CSMD1: variants seen among roughly 807,000 people sequenced by gnomAD.
CSMD1 encodes the protein CUB and sushi domain-containing protein 1.
CSMD1 carries 213 observed loss-of-function variants against 417.5 expected under a neutral mutation model. The observed-to-expected ratio is 0.51, with a 90% CI of 0.46 to 0.57. The LOEUF is 0.57. CSMD1 is among the 20% of genes least tolerant of loss of function. The probability of loss-of-function intolerance (pLI) is 0.00; values close to 1 mark genes in which losing one functional copy is unlikely to be tolerated. For missense variants in CSMD1, 6,923 were observed against 4,529.7 expected, an observed-to-expected ratio of 1.53 and a Z score of -15.17; for synonymous variants, 2,862 against 1,736.8, an observed-to-expected ratio of 1.65 and a Z score of -16.11.
At chr8:4,682,966 A>G (rs1273761811) in intron 1 of CSMD1, among the ~76,000 whole-genome samples, 20 of 37,166 alleles carry the variant, frequency 5.4e-4, no homozygotes, top group South Asian at 3.7e-3. Context: ...ATATATATAT[A>G]TATATATATA....
intron 3 of CSMD1, among the ~76,000 whole-genome samples, chr8:4,260,025 C>CT (rs5889029): frequency 1.5e-3 from 229 of 150,756 alleles, no homozygotes; most frequent in African/African-American, 5.2e-3. Context: ...CTTGTGCACA[C>CT]TTTTTTTTTT....
intron 3 of CSMD1, among the ~76,000 whole-genome samples, chr8:4,067,853 C>G (rs775271645): frequency 6.6e-6 from 1 of 151,984 alleles, no homozygotes; most frequent in Non-Finnish European, 1.5e-5. Context: ...CCGAGGTGGG[C>G]GGATCATGAG....
At chr8:4,564,571 G>A (rs1456831357) in intron 2 of CSMD1, among the ~76,000 whole-genome samples, 1 of 152,152 alleles carries the variant, frequency 6.6e-6, no homozygotes. Flanking sequence ...CATAAATACT[G>A]ATAATCAATA....
At chr8:4,741,586 T>C (rs971471009) in intron 1 of CSMD1, among the ~76,000 whole-genome samples, 2 of 152,222 alleles carry the variant, frequency 1.3e-5, no homozygotes, top group Non-Finnish European at 2.9e-5. Flanking sequence ...AACATGTGTC[T>C]CGAGGCTTGG....
At chr8:4,798,800 G>A (rs925795097) in intron 1 of CSMD1, among the ~76,000 whole-genome samples, 11 of 152,100 alleles carry the variant, frequency 7.2e-5, no homozygotes, top group African/African-American at 1.9e-4. Context: ...GTAGAAACTG[G>A]GAGAAGAAAA....
At chr8:3,519,192 A>G (rs1563115413) in intron 10 of CSMD1, among the ~76,000 whole-genome samples, 2 of 152,196 alleles carry the variant, frequency 1.3e-5, no homozygotes, top group African/African-American at 4.8e-5. Context: ...CACGTGATTA[A>G]TTATCACTGA....
chr8:4,069,773 C>G (rs2552117), intron 3 of CSMD1, among the ~76,000 whole-genome samples: 1 of 151,976 alleles, frequency 6.6e-6, no homozygotes, highest in Non-Finnish European at 1.5e-5. Context: ...ATCTTCCAAA[C>G]TCCTGTTTTG....
At chr8:4,022,775 T>C (rs778826104) in intron 4 of CSMD1, among the ~76,000 whole-genome samples, 133 of 152,264 alleles carry the variant, frequency 8.7e-4, no homozygotes, top group Non-Finnish European at 1.4e-3. Flanking sequence ...GAGAAAACAA[T>C]TGTATTCCAC....
At chr8:4,258,212 T>C (rs1012860667) in intron 3 of CSMD1, among the ~76,000 whole-genome samples, 1 of 148,648 alleles carries the variant, frequency 6.7e-6, no homozygotes, top group East Asian at 2.0e-4. Flanking sequence ...TCCAAAGTTC[T>C]GAGATTAAAG....
At chr8:4,473,478 G>T (rs764308864) in intron 2 of CSMD1, among the ~76,000 whole-genome samples, 1 of 152,156 alleles carries the variant, frequency 6.6e-6, no homozygotes, top group African/African-American at 2.4e-5. Context: ...AATACCCAGT[G>T]TCTGCAAATC....
chr8:4,256,472 G>C (rs1228674586), intron 3 of CSMD1, among the ~76,000 whole-genome samples: 2 of 152,158 alleles, frequency 1.3e-5, no homozygotes, highest in African/African-American at 2.4e-5. Flanking sequence ...AATTAACCGA[G>C]TACTGGTAAA....
At chr8:3,784,079 T>G (rs2129064266) in intron 5 of CSMD1, among the ~76,000 whole-genome samples, 1 of 152,362 alleles carries the variant, frequency 6.6e-6, no homozygotes, top group South Asian at 2.1e-4. Flanking sequence ...TCATTTAAAA[T>G]GCTTCGGAAA....
intron 2 of CSMD1, among the ~76,000 whole-genome samples, chr8:4,474,032 A>C (rs1800671151): frequency 6.6e-6 from 1 of 152,172 alleles, no homozygotes; most frequent in Non-Finnish European, 1.5e-5. Context: ...AATAAGAGAT[A>C]CTATCAAAGA....
At chr8:3,398,390 G>A (rs1811828594) in intron 16 of CSMD1, among the ~76,000 whole-genome samples, 4 of 151,350 alleles carry the variant, frequency 2.6e-5, no homozygotes, top group Admixed American at 2.6e-4. Flanking sequence ...GTGCTATTGG[G>A]GATTATTATT....
intron 7 of CSMD1, among the ~76,000 whole-genome samples, chr8:3,653,118 T>G (rs1176819739): frequency 6.6e-6 from 1 of 152,128 alleles, no homozygotes; most frequent in Non-Finnish European, 1.5e-5. Context: ...ATATGCTTTA[T>G]TAATTGAAAG....
Position 4,289,771 on chromosome 8 carries a change from G to A in CSMD1, c.415+130182C>T, listed in dbSNP as rs78237092. 5.2e-3 allele frequency among the ~76,000 whole-genome samples: 797 copies of A among 152,312 alleles called. 3 individuals carry two copies. The highest frequency in any genetic ancestry group is 0.017 in the African/African-American group (720 of 41,564). On this transcript the variant is annotated intron_variant, in intron 3 of 69. Transcript: ENST00000635120. ...ATAAAACATCTCCACCGTACTGGAA[G>A]CACCATAGTTAAAAGGAGGTATCCA...
chr8:4,475,155 T>A (rs1276621032), intron 2 of CSMD1, among the ~76,000 whole-genome samples: 2 of 152,348 alleles, frequency 1.3e-5, no homozygotes, highest in Non-Finnish European at 2.9e-5. Flanking sequence ...TAAGCAAGCC[T>A]ATTGATATGA....
At chr8:4,187,349 C>G (rs755090095) in intron 3 of CSMD1, among the ~76,000 whole-genome samples, 3 of 152,078 alleles carry the variant, frequency 2.0e-5, no homozygotes, top group African/African-American at 7.2e-5. Flanking sequence ...CACAGGTAAG[C>G]ATTAAGTAGC....
At chr8:4,212,461 C>T (rs1443140842) in intron 3 of CSMD1, among the ~76,000 whole-genome samples, 1 of 151,996 alleles carries the variant, frequency 6.6e-6, no homozygotes, top group East Asian at 1.9e-4. Flanking sequence ...ATGTACTTAA[C>T]ATTTGTCCTT....
Sources: gnomAD v4.1 joint callset for allele counts (sites outside exome capture counted in the v4.1 genomes callset) on GRCh38, gnomAD v4.1.1 for gene constraint, MANE v1.5 for transcripts, NCBI Gene and HGNC (gene_info 2026-07-23, HGNC 2026-07-21) for gene names.